ADAMTS3: variants seen among roughly 807,000 people sequenced by gnomAD.
ADAMTS3 encodes A disintegrin and metalloproteinase with thrombospondin motifs 3.
A neutral mutation model predicts 129.0 loss-of-function variants in ADAMTS3; 73 were observed. The observed-to-expected ratio is 0.57, with a 90% CI of 0.47 to 0.69. The LOEUF is 0.69. Among genes scored for constraint, ADAMTS3 ranks in the 30% least tolerant of loss-of-function variants. ADAMTS3 has a pLI of 0.00. For synonymous variants in ADAMTS3, 477 were observed against 510.8 expected, an observed-to-expected ratio of 0.93 and a Z score of 0.89; for missense variants, 1,457 against 1,514.5, an observed-to-expected ratio of 0.96 and a Z score of 0.63.
At chr4:72,556,349 A>C (rs1407944180) in intron 2 of ADAMTS3, among the ~76,000 whole-genome samples, 1 of 151,864 alleles carries the variant, frequency 6.6e-6, no homozygotes, top group Non-Finnish European at 1.5e-5. Context: ...AGTATGTAGC[A>C]GAATGAGACA....
At chr4:72,299,075 G>A (rs1252336623) in intron 17 of ADAMTS3, among the ~76,000 whole-genome samples, 2 of 151,054 alleles carry the variant, frequency 1.3e-5, no homozygotes, top group Non-Finnish European at 3.0e-5. Flanking sequence ...GTGTGTGTGT[G>A]TGTGTGTGTG....
chr4:72,391,319 C>T (rs1015656824), intron 4 of ADAMTS3, among the ~76,000 whole-genome samples: 2 of 152,060 alleles, frequency 1.3e-5, no homozygotes, highest in African/African-American at 4.8e-5. Flanking sequence ...TTGGTATTAG[C>T]CAACCCAAGC....
chr4:72,544,970 T>A (rs1721428686), intron 3 of ADAMTS3, among the ~76,000 whole-genome samples: 1 of 152,100 alleles, frequency 6.6e-6, no homozygotes, highest in Non-Finnish European at 1.5e-5. Context: ...AATTGATGTA[T>A]ATAAAAAGCA....
rs1560522055 is a variant in ADAMTS3 at position 72,455,890 on chromosome 4, TTATATATAGTATA to T, written c.505-40932_505-40920del. ...ATACACTGTATATACTATATATATT[TTATATATAGTATA>T]TACACTGTATATATACTATATATAT... On this transcript the variant is annotated intron_variant, in intron 3 of 21. Coordinates refer to ENST00000286657, the MANE Select transcript of ADAMTS3 (RefSeq NM_014243.3). Among the ~76,000 whole-genome samples, 30 of 120,330 alleles carry T rather than the reference TTATATATAGTATA, an allele frequency of 2.5e-4. 1 individual carries two copies. The highest frequency in any genetic ancestry group is 8.9e-4 in the African/African-American group (29 of 32,666). 78.9% of individuals were successfully genotyped at this position (120,330 alleles called of 152,430 possible).
chr4:72,478,889 T>C lies in ADAMTS3; in HGVS notation c.505-63918A>G, dbSNP rs535521434. Among the ~76,000 whole-genome samples, 695 of 151,856 alleles carry C rather than the reference T, an allele frequency of 4.6e-3. 7 individuals are homozygous for C. Among genetic ancestry groups the C allele is most frequent in the African/African-American group, 0.016 (662 of 41,380 alleles). On this transcript the variant is annotated intron_variant, in intron 3 of 21. Coordinates refer to ENST00000286657, the MANE Select transcript of ADAMTS3 (RefSeq NM_014243.3). ...TGTACAAAAATCACAAGCATTCTTA[T>C]ACACCAATAACAGACAAACAGAGAG...
At chr4:72,542,201 G>T (rs925604531) in intron 3 of ADAMTS3, among the ~76,000 whole-genome samples, 12 of 152,040 alleles carry the variant, frequency 7.9e-5, no homozygotes, top group African/African-American at 2.9e-4. Flanking sequence ...GTCTTGCTCT[G>T]TCGCCTAGGC....
chr4:72,531,166 T>C (rs1238454178), intron 3 of ADAMTS3, among the ~76,000 whole-genome samples: 2 of 152,008 alleles, frequency 1.3e-5, no homozygotes, highest in African/African-American at 4.8e-5. Context: ...ATATAATAAG[T>C]AGATTCAAAC....
At chr4:72,401,137 G>T (rs769349464) in intron 4 of ADAMTS3, among the ~76,000 whole-genome samples, 1 of 151,768 alleles carries the variant, frequency 6.6e-6, no homozygotes, top group South Asian at 2.1e-4. Context: ...CTACCATACC[G>T]GACAGCACTA....
chr4:72,499,573 A>G (rs1001315570), intron 3 of ADAMTS3, among the ~76,000 whole-genome samples: 2 of 152,316 alleles, frequency 1.3e-5, no homozygotes, highest in African/African-American at 4.8e-5. Flanking sequence ...TGCACTCTAC[A>G]ACAATGTATC....
intron 4 of ADAMTS3, among the ~76,000 whole-genome samples, chr4:72,397,043 C>T (rs564688245): frequency 7.2e-5 from 11 of 152,234 alleles, no homozygotes; most frequent in South Asian, 4.1e-4. Flanking sequence ...CATCACCTCT[C>T]ACCTGGATTA....
chr4:72,450,449 T>G (rs1433842614), intron 3 of ADAMTS3, among the ~76,000 whole-genome samples: 3 of 151,700 alleles, frequency 2.0e-5, no homozygotes, highest in Non-Finnish European at 4.4e-5. Context: ...GGCATCCAAG[T>G]GACAAAAACC....
chr4:72,497,785 C>T (rs1396645380), intron 3 of ADAMTS3, among the ~76,000 whole-genome samples: 1 of 151,762 alleles, frequency 6.6e-6, no homozygotes, highest in African/African-American at 2.4e-5. Flanking sequence ...TAAAAACTGA[C>T]CAGCCTAATT....
At chr4:72,377,747 T>C (rs6850596) in intron 4 of ADAMTS3, among the ~76,000 whole-genome samples, 150,165 of 152,258 alleles carry the variant, frequency 0.99, 74,075 homozygotes, top group Non-Finnish European at 1. Context: ...AGGCATTGGA[T>C]AGAAACAAGG....
intron 11 of ADAMTS3, 88 bp downstream of exon 11, chr4:72,315,770 G>A: frequency 1.2e-6 from 1 of 804,904 alleles, no homozygotes; most frequent in Non-Finnish European, 2.0e-6. Context: ...AAATGACAGT[G>A]CAGCTGTGTT....
rs541543950 is a variant in ADAMTS3 at position 72,289,601 on chromosome 4, C to T, written c.2932-733G>A. 1.1e-3 allele frequency among the ~76,000 whole-genome samples: 173 copies of T among 152,216 alleles called. 1 individual carries two copies. The highest frequency in any genetic ancestry group is 4.0e-3 in the African/African-American group (167 of 41,512). On this transcript the variant is annotated intron_variant, in intron 20 of 21. Transcript: ENST00000286657. ...TGCACTTGTACTATGGTTTGAATGT[C>T]CCCTCCAAAACTCAGGTTGAAATTT... is the stretch of plus-strand genomic sequence containing the variant.
intron 5 of ADAMTS3, among the ~76,000 whole-genome samples, chr4:72,324,557 TTATACATA>T (rs1254290682): frequency 6.6e-6 from 1 of 152,118 alleles, no homozygotes; most frequent in Non-Finnish European, 1.5e-5. Context: ...ACACATACAT[TTATACATA>T]TATACACATG....
Position 72,315,954 on chromosome 4 carries a change from T to G in ADAMTS3, c.1503A>C (p.Pro501=). The G allele has an allele frequency of 5.6e-6, 9 of 1,612,272 alleles. No homozygotes were observed. The highest frequency in any genetic ancestry group is 6.8e-6 in the Non-Finnish European group (8 of 1,179,020). ...GATGGCTACACCACAGCTGTTTACATGGGTCAAAGGTTCGGAACTGGAAGA... is the reference window on the plus strand; with the variant it reads ...GATGGCTACACCACAGCTGTTTACAGGGGTCAAAGGTTCGGAACTGGAAGA... The part of the protein sequence containing the change: ...KMCTAFRTFD[P]CKQLWCSHPD... Residue 501 remains proline (P), a synonymous_variant, in exon 11 of 22, where the codon CCA becomes CCC. Transcript: ENST00000286657.
intron 3 of ADAMTS3, among the ~76,000 whole-genome samples, chr4:72,517,424 C>T (rs1052489303): frequency 3.3e-5 from 5 of 152,098 alleles, no homozygotes; most frequent in Admixed American, 6.5e-5. Context: ...CCAGTTCCTC[C>T]TTGTACCTCT....
intron 2 of ADAMTS3, among the ~76,000 whole-genome samples, chr4:72,565,607 T>G (rs1722002687): frequency 6.6e-6 from 1 of 152,136 alleles, no homozygotes; most frequent in African/African-American, 2.4e-5. Flanking sequence ...AAACGATAAA[T>G]AAGAATGGTA....
Sources: gnomAD v4.1 joint callset for allele counts (sites outside exome capture counted in the v4.1 genomes callset) on GRCh38, gnomAD v4.1.1 for gene constraint, MANE v1.5 for transcripts, NCBI Gene and HGNC (gene_info 2026-07-23, HGNC 2026-07-21) for gene names.